Variants in MYO1A observed in about 807,000 individuals in gnomAD.
MYO1A encodes the protein myosin IA, also known as unconventional myosin-Ia.
In MYO1A, 127 loss-of-function variants were observed where a neutral mutation model predicts 138.5. The ratio of observed to expected loss-of-function variants is 0.92; its 90% CI spans 0.79 to 1.06. MYO1A has a LOEUF of 1.06. MYO1A is among the 50% of genes least tolerant of loss of function. The pLI is 0.00. For synonymous variants in MYO1A, 477 were observed against 497.5 expected (o/e 0.96, Z 0.55); for missense variants, 1,211 against 1,288.8 (o/e 0.94, Z 0.92).
intron 1 of MYO1A, 80 bp from the exon 2 acceptor site, chr12:57,048,423 G>C: frequency 1.2e-6 from 1 of 848,714 alleles, no homozygotes; most frequent in East Asian, 2.6e-5. Context: ...ATGGCAGAAG[G>C]ACCAAAAGAG....
Position 57,028,894 on chromosome 12 carries a change from C to A in MYO1A, c.3006-13G>T. 1 of 1,613,760 alleles carries A rather than the reference C, an allele frequency of 6.2e-7. No homozygotes were observed. Among genetic ancestry groups the A allele is most frequent in the Non-Finnish European group, 8.5e-7 (1 of 1,179,842 alleles). ...CCTCACTGAGAACCTGGAGAGGGAA[C>A]AGAAAACCAAGTCTAGTGCCCATCC... On this transcript the variant is annotated splice_polypyrimidine_tract_variant and intron_variant, in intron 27 of 27. Transcript: ENST00000300119.
intron 22 of MYO1A, 120 bp from the exon 23 acceptor site, chr12:57,031,294 G>T: frequency 7.8e-7 from 1 of 1,283,272 alleles, no homozygotes; most frequent in Non-Finnish European, 1.1e-6. Flanking sequence ...GAAGCAAGGG[G>T]TGGAGCTGAA....
chr12:57,048,850 A>T (rs3782329), intron 1 of MYO1A, among the ~76,000 whole-genome samples: 15,065 of 152,104 alleles, frequency 0.099, 796 homozygotes, highest in East Asian at 0.18. Flanking sequence ...CCTACCCATA[A>T]CCATTTCAGA....
chr12:57,038,710 G>T, intron 16 of MYO1A, 72 bp from the exon 17 acceptor site: 1 of 1,607,544 alleles, frequency 6.2e-7, no homozygotes, highest in Non-Finnish European at 8.5e-7. Flanking sequence ...CAGTCTCATT[G>T]TGAAGTATTC....
chr12:57,038,353 A>G, intron 17 of MYO1A, 59 bp downstream of exon 17: 1 of 1,564,926 alleles, frequency 6.4e-7, no homozygotes, highest in Non-Finnish European at 8.8e-7. Context: ...TCTACAGCGC[A>G]TGGACCCTGC....
At position 57,037,007 on chromosome 12, in the gene MYO1A, G is replaced by A. The variant is rs373952237; in HGVS notation, c.2140C>T (p.Arg714Cys). The change falls in exon 20 of 28, where the codon CGC becomes TGC. Residue 714 changes from arginine to cysteine, a missense_variant. By Grantham distance (180) the Arg-to-Cys change is radical. Coordinates refer to ENST00000300119, the MANE Select transcript of MYO1A (RefSeq NM_005379.4). The part of the protein sequence containing the change: ...IQKIYRGWRC[R>C]THYQLMRKSQ... Reference sequence around the variant, plus strand: ...TTTCGCATCAGTTGGTAGTGGGTGCGGCAGCGCCAGCCTCGGTAAATCTTC... The same window carrying A: ...TTTCGCATCAGTTGGTAGTGGGTGCAGCAGCGCCAGCCTCGGTAAATCTTC... The A allele has an allele frequency of 2.4e-5, 39 of 1,614,044 alleles. No individual in the cohort carries two copies. The highest frequency in any genetic ancestry group is 1.1e-4 in the East Asian group (5 of 44,886).
At chr12:57,030,912 G>T in intron 23 of MYO1A, 128 bp downstream of exon 23, 1 of 1,132,008 alleles carries the variant, frequency 8.8e-7, no homozygotes, top group Non-Finnish European at 1.3e-6. Flanking sequence ...ATGGTAGATT[G>T]TATGTTATGT....
In MYO1A at chr12:57,044,717, G is replaced by A. The variant is rs559449132; in HGVS notation, c.641-508C>T. Among the ~76,000 whole-genome samples the A allele has an allele frequency of 8.7e-4, 133 of 152,312 alleles. 1 individual carries two copies. The South Asian group carries it at 0.027, about 31-fold the overall frequency. On this transcript the variant is annotated intron_variant, in intron 8 of 27. Coordinates refer to ENST00000300119, the MANE Select transcript of MYO1A (RefSeq NM_005379.4). The stretch of plus-strand genomic sequence containing the variant: ...AAATTTTTAAGTATACTTTTAAGTA[G>A]TGTTTAGGGTTTTGATGCTCATATT...
chr12:57,043,725 G>T, intron 10 of MYO1A, 131 bp downstream of exon 10: 2 of 1,194,892 alleles, frequency 1.7e-6, no homozygotes, highest in Middle Eastern at 2.7e-4. Flanking sequence ...CTGTTTAGGG[G>T]AGAACTCAGG....
chr12:57,049,519 C>G (rs192851281), intron 1 of MYO1A, among the ~76,000 whole-genome samples: 1 of 152,288 alleles, frequency 6.6e-6, no homozygotes, highest in Non-Finnish European at 1.5e-5. Flanking sequence ...CAGAAGGACA[C>G]AACTGAGGAA....
rs977482164 is a variant in MYO1A at position 57,037,885 on chromosome 12, A to C, written c.1945T>G (p.Trp649Gly). ...RLLSRSTWPH[W>G]NGGDREGVEK... ...GGGTCTTACCGGTCTCCCCCATTCC[A>C]GTGAGGCCAGGTGCTCCGGCTCAGC... The change falls in exon 18 of 28, where the codon TGG becomes GGG. Residue 649 changes from tryptophan (W) to glycine (G), a missense_variant. By Grantham distance (184) the Trp-to-Gly change is radical. Coordinates refer to ENST00000300119, the MANE Select transcript of MYO1A (RefSeq NM_005379.4). The C allele has an allele frequency of 6.2e-7, 1 of 1,614,016 alleles. No individual in the cohort carries two copies. Among genetic ancestry groups the C allele is most frequent in the Non-Finnish European group, 8.5e-7 (1 of 1,179,990 alleles).
intron 12 of MYO1A, among the ~76,000 whole-genome samples, chr12:57,041,853 C>A (rs544740285): frequency 6.6e-6 from 1 of 152,178 alleles, no homozygotes; most frequent in Non-Finnish European, 1.5e-5. Flanking sequence ...TTATTGTTCC[C>A]ATTTTACAGA....
At chr12:57,041,743 GA>G (rs1260890417) in intron 12 of MYO1A, among the ~76,000 whole-genome samples, 1 of 152,196 alleles carries the variant, frequency 6.6e-6, no homozygotes, top group Admixed American at 6.5e-5. Flanking sequence ...GTACCAGGTA[GA>G]AAGACAATAA....
chr12:57,044,056 G>A (rs375835839), intron 9 of MYO1A, 50 bp downstream of exon 9: 22 of 1,614,008 alleles, frequency 1.4e-5, no homozygotes, highest in Non-Finnish European at 1.7e-5. Flanking sequence ...AGTCCAATGC[G>A]AATAGAGGAT....
chr12:57,037,816 G>A (rs1418856719), intron 18 of MYO1A, 53 bp downstream of exon 18: 2 of 1,592,730 alleles, frequency 1.3e-6, no homozygotes, highest in South Asian at 1.1e-5. Context: ...TTCCCCCAGA[G>A]ATGTTTCCTG....
chr12:57,035,818 T>A (rs954213205), intron 22 of MYO1A, among the ~76,000 whole-genome samples: 1 of 152,204 alleles, frequency 6.6e-6, no homozygotes. Flanking sequence ...AGAATTAGGA[T>A]AGGTCCTTCC....
Position 57,044,168 on chromosome 12 carries a change from G to T in MYO1A, c.682C>A (p.Leu228Met). ...LERDTTGYAY[L>M]NHEVSRVDGM... ...TCCACTCTGGATACTTCATGATTCA[G>T]ATAGGCATAGCCAGTTGTATCCCGC... The change falls in exon 9 of 28, where the codon CTG becomes ATG. Residue 228 changes from leucine (L) to methionine (M), a missense_variant. Transcript: ENST00000300119. The T allele has an allele frequency of 2.5e-6, 4 of 1,614,170 alleles. No individual in the cohort carries two copies. Among genetic ancestry groups the T allele is most frequent in the Non-Finnish European group, 3.4e-6 (4 of 1,180,038 alleles).
intron 12 of MYO1A, 72 bp from the exon 13 acceptor site, chr12:57,041,569 A>G (rs922401670): frequency 7.4e-7 from 1 of 1,353,130 alleles, no homozygotes; most frequent in Non-Finnish European, 1.1e-6. Flanking sequence ...TCTGGAGCGG[A>G]TGGGGTTGGA....
In MYO1A at chr12:57,048,000, C is replaced by T. The variant is rs2031189142; in HGVS notation, c.219G>A (p.Leu73=). Residue 73 remains leucine (L), a synonymous_variant, in exon 3 of 28, where the codon CTG becomes CTA. Transcript: ENST00000300119. ...GTCCCCCTACTCACATATGGGGCTT[C>T]AGCTCATAGAAAGTATAGTCTTGAT... ...AKYQDYTFYE[L]KPHIYALANV... is the part of the protein sequence containing the mutation. The T allele has an allele frequency of 6.2e-7, 1 of 1,613,756 alleles. No homozygotes were observed. The highest frequency in any genetic ancestry group is 1.7e-5 in the Admixed American group (1 of 60,010).
Sources: gnomAD v4.1 joint callset for allele counts (sites outside exome capture counted in the v4.1 genomes callset) on GRCh38, gnomAD v4.1.1 for gene constraint, MANE v1.5 for transcripts, NCBI Gene and HGNC (gene_info 2026-07-23, HGNC 2026-07-21) for gene names.